ASCC3: variants seen among roughly 807,000 people sequenced by gnomAD.
ASCC3 encodes the protein activating signal cointegrator 1 complex subunit 3, also known as ASC-1 complex subunit P200.
ASCC3 carries 158 observed loss-of-function variants against 256.3 expected under a neutral mutation model. The observed-to-expected ratio is 0.62, with a 90% CI of 0.54 to 0.70. The LOEUF is 0.70. Ranked by LOEUF, ASCC3 falls within the 30% of genes least tolerant of loss-of-function variation. ASCC3 has a pLI of 0.00. For synonymous variants in ASCC3, 948 were observed against 883.4 expected (o/e 1.07, Z -1.30); for missense variants, 2,259 against 2,626.0 (o/e 0.86, Z 3.05).
At chr6:100,666,055 T>C (rs942840326) in intron 14 of ASCC3, among the ~76,000 whole-genome samples, 1 of 152,138 alleles carries the variant, frequency 6.6e-6, no homozygotes, top group Non-Finnish European at 1.5e-5. Context: ...CTATATAAAT[T>C]GAGTCAGAAA....
intron 10 of ASCC3, among the ~76,000 whole-genome samples, chr6:100,758,372 C>T (rs1462920789): frequency 4.6e-5 from 7 of 152,122 alleles, no homozygotes; most frequent in Admixed American, 4.6e-4. Flanking sequence ...CTCCCCTCAC[C>T]CCCCAAACCC....
chr6:100,723,860 T>TTTTATA (rs1467127736), intron 11 of ASCC3, among the ~76,000 whole-genome samples: 3 of 110,244 alleles, frequency 2.7e-5, no homozygotes, highest in Non-Finnish European at 5.6e-5. Context: ...TATTAGGGAA[T>TTTTATA]TATATATATA....
intron 17 of ASCC3, among the ~76,000 whole-genome samples, chr6:100,655,496 T>C (rs1030648275): frequency 6.6e-6 from 1 of 151,846 alleles, no homozygotes; most frequent in African/African-American, 2.4e-5. Context: ...AACATAAGTA[T>C]TTGTAGAAAA....
intron 30 of ASCC3, among the ~76,000 whole-genome samples, chr6:100,608,860 T>C (rs1773239206): frequency 7.2e-6 from 1 of 138,090 alleles, no homozygotes; most frequent in African/African-American, 2.7e-5. Context: ...GCCTCCCGGG[T>C]TCACGCCATT....
At chr6:100,568,781 TTATTA>T (rs1770417015) in intron 36 of ASCC3, among the ~76,000 whole-genome samples, 1 of 147,768 alleles carries the variant, frequency 6.8e-6, no homozygotes, top group African/African-American at 2.5e-5. Flanking sequence ...ATTATTATTA[TTATTA>T]TTATTTTTTG....
chr6:100,627,832 T>G lies in ASCC3; in HGVS notation c.4521+10A>C. 7 of 1,613,570 alleles carry G rather than the reference T, an allele frequency of 4.3e-6. No individual in the cohort carries two copies. The highest frequency in any genetic ancestry group is 5.9e-6 in the Non-Finnish European group (7 of 1,179,724). ...TAAATAAATGCATAATTTATCAATC[T>G]TCTACATACCTGCTTAATATTGAGC... On this transcript the variant is annotated intron_variant, in intron 28 of 41. Coordinates refer to ENST00000369162, the MANE Select transcript of ASCC3 (RefSeq NM_006828.4).
At chr6:100,670,315 G>GGATT (rs1465054057) in intron 14 of ASCC3, among the ~76,000 whole-genome samples, 1 of 151,766 alleles carries the variant, frequency 6.6e-6, no homozygotes, top group Admixed American at 6.6e-5. Flanking sequence ...TATCCATGGG[G>GGATT]GATTGATTCA....
intron 4 of ASCC3, among the ~76,000 whole-genome samples, chr6:100,827,387 T>C (rs1039676874): frequency 6.6e-6 from 1 of 152,206 alleles, no homozygotes; most frequent in African/African-American, 2.4e-5. Context: ...ATTGTCTCCA[T>C]AGTTTTTGCC....
intron 4 of ASCC3, among the ~76,000 whole-genome samples, chr6:100,833,811 C>T (rs1328049888): frequency 6.6e-6 from 1 of 152,132 alleles, no homozygotes; most frequent in Admixed American, 6.5e-5. Flanking sequence ...ATCCTGGCGG[C>T]TCATGCCTGT....
At chr6:100,664,510 G>T (rs980488818) in intron 14 of ASCC3, among the ~76,000 whole-genome samples, 19 of 151,872 alleles carry the variant, frequency 1.3e-4, no homozygotes, top group Admixed American at 7.2e-4. Context: ...CCTCTTAAGG[G>T]TCCAAAACAA....
chr6:100,560,670 T>C (rs1353932232), intron 36 of ASCC3, among the ~76,000 whole-genome samples: 1 of 151,810 alleles, frequency 6.6e-6, no homozygotes, highest in East Asian at 1.9e-4. Flanking sequence ...AGCATCCATC[T>C]GCTCTGTGTG....
At chr6:100,809,633 G>A (rs1275791474) in intron 4 of ASCC3, among the ~76,000 whole-genome samples, 2 of 152,032 alleles carry the variant, frequency 1.3e-5, no homozygotes, top group Admixed American at 6.6e-5. Context: ...ATCTTGTAGA[G>A]TACTCAATAA....
At chr6:100,876,512 GTTA>G (rs1387205737) in intron 1 of ASCC3, among the ~76,000 whole-genome samples, 1 of 152,126 alleles carries the variant, frequency 6.6e-6, no homozygotes, top group Non-Finnish European at 1.5e-5. Flanking sequence ...AATGATAAGG[GTTA>G]TTAAGTGCTT....
intron 36 of ASCC3, among the ~76,000 whole-genome samples, chr6:100,582,915 C>A (rs545530592): frequency 1.3e-3 from 198 of 152,258 alleles, no homozygotes; most frequent in Non-Finnish European, 1.5e-3. Context: ...ATTGAACCAG[C>A]CTTGCATCCC....
chr6:100,758,310 A>AT (rs1366355427), intron 10 of ASCC3, among the ~76,000 whole-genome samples: 1 of 151,972 alleles, frequency 6.6e-6, no homozygotes, highest in African/African-American at 2.4e-5. Context: ...TTACACAGGT[A>AT]TATGTGTGCC....
At chr6:100,543,359 T>A (rs1775558760) in intron 36 of ASCC3, among the ~76,000 whole-genome samples, 1 of 152,134 alleles carries the variant, frequency 6.6e-6, no homozygotes, top group African/African-American at 2.4e-5. Flanking sequence ...GATTAATCTA[T>A]GAATGCAGAA....
At chr6:100,539,377 A>G (rs1474016653) in intron 37 of ASCC3, among the ~76,000 whole-genome samples, 8 of 152,160 alleles carry the variant, frequency 5.3e-5, no homozygotes, top group Non-Finnish European at 1.0e-4. Flanking sequence ...TTTTTTTCAT[A>G]TACTTCAACT....
chr6:100,582,061 T>C (rs1399436552), intron 36 of ASCC3, among the ~76,000 whole-genome samples: 9 of 151,862 alleles, frequency 5.9e-5, no homozygotes, highest in Non-Finnish European at 1.2e-4. Flanking sequence ...ATTGACTTGG[T>C]GATGCGGGCT....
rs1390766686 is a variant in ASCC3, at chr6:100,625,216, C to A, written c.4761G>T (p.Gln1587His). The change falls in exon 30 of 42, where the codon CAG (glutamine) becomes CAT (histidine). Residue 1587 changes from glutamine to histidine, a missense_variant. Physicochemically the swap from Gln to His is conservative, Grantham distance 24. This residue lies in a region of ASCC3 where 1,839 missense variants were observed against 2,206.7 expected (regional missense o/e 0.83). Coordinates refer to ENST00000369162, the MANE Select transcript of ASCC3 (RefSeq NM_006828.4). ...CCTCTCTTTCATCCATGTTTAACCACTGCTTTGGATCTTCTTCAGTAGCCA... is the reference window on the plus strand; with the variant it reads ...CCTCTCTTTCATCCATGTTTAACCAATGCTTTGGATCTTCTTCAGTAGCCA... ...AFLATEEDPK[Q>H]WLNMDEREME... is the part of the protein sequence containing the mutation. 1.9e-6 allele frequency: 3 copies of A among 1,612,706 alleles called. No individual in the cohort carries two copies. The highest frequency in any genetic ancestry group is 1.3e-5 in the African/African-American group (1 of 74,864).
Sources: gnomAD v4.1 joint callset for allele counts (sites outside exome capture counted in the v4.1 genomes callset) on GRCh38, gnomAD v4.1.1 for gene constraint, gnomAD v4.1.1 regional missense constraint, MANE v1.5 for transcripts, NCBI Gene and HGNC (gene_info 2026-07-23, HGNC 2026-07-21) for gene names.